CLEC16A: variants seen among roughly 807,000 people sequenced by gnomAD.
CLEC16A encodes protein CLEC16A.
In CLEC16A, 51 loss-of-function variants were observed where a neutral mutation model predicts 109.5. That is an observed-to-expected ratio of 0.47 (90% CI 0.37 to 0.59). The LOEUF is 0.59. Ranked by LOEUF, CLEC16A falls within the 20% of genes least tolerant of loss-of-function variation. The pLI, the probability that CLEC16A is intolerant of heterozygous loss-of-function variation, is 0.00. For missense variants in CLEC16A, 1,339 were observed against 1,394.0 expected (o/e 0.96, Z 0.63); for synonymous variants, 673 against 564.2 (o/e 1.19, Z -2.73).
At chr16:11,159,183 CTTTCTGA>C (rs1311985976) in intron 22 of CLEC16A, among the ~76,000 whole-genome samples, 2 of 152,338 alleles carry the variant, frequency 1.3e-5, no homozygotes, top group Non-Finnish European at 2.9e-5. Context: ...GGAATCTGTG[CTTTCTGA>C]TTTGCCCCAG....
At chr16:10,984,609 CA>C (rs1360512089) in intron 10 of CLEC16A, among the ~76,000 whole-genome samples, 1 of 152,190 alleles carries the variant, frequency 6.6e-6, no homozygotes, top group Non-Finnish European at 1.5e-5. Flanking sequence ...CTAGAGGTGA[CA>C]GGGGTGATGT....
At chr16:11,142,106 G>C (rs913829719) in intron 22 of CLEC16A, among the ~76,000 whole-genome samples, 4 of 152,166 alleles carry the variant, frequency 2.6e-5, no homozygotes, top group African/African-American at 9.7e-5. Context: ...GGCAGGTATG[G>C]TTACTCTCCC....
chr16:10,948,435 T>C (rs1396376151), intron 1 of CLEC16A, among the ~76,000 whole-genome samples: 2 of 152,184 alleles, frequency 1.3e-5, no homozygotes, highest in Non-Finnish European at 2.9e-5. Flanking sequence ...CAAGAGGTTA[T>C]TTGCTACACA....
intron 21 of CLEC16A, among the ~76,000 whole-genome samples, chr16:11,124,533 C>G (rs1030554919): frequency 6.6e-6 from 1 of 152,190 alleles, no homozygotes; most frequent in African/African-American, 2.4e-5. Context: ...CTGAGGAAGC[C>G]CAACACTGCC....
At chr16:11,176,601 G>A (rs1221599021) in intron 23 of CLEC16A, among the ~76,000 whole-genome samples, 1 of 152,102 alleles carries the variant, frequency 6.6e-6, no homozygotes, top group Non-Finnish European at 1.5e-5. Context: ...AGCCAGGTGT[G>A]GTGACACGGG....
In CLEC16A at chr16:11,166,473, C is replaced by A. The variant is rs751088371; in HGVS notation, c.2727C>A (p.Ser909Arg). ...CACCCTCCGCCAGCGGGAGCCCCAGCGGCAGCGGGAGCACCAGCCACTGCG... is the reference window on the plus strand; with the variant it reads ...CACCCTCCGCCAGCGGGAGCCCCAGAGGCAGCGGGAGCACCAGCCACTGCG... ...QSPPSASGSP[S>R]GSGSTSHCDS... is the part of the protein sequence containing the mutation. The change falls in exon 23 of 24, where the codon AGC becomes AGA. Residue 909 changes from serine (S) to arginine (R), a missense_variant. By Grantham distance (110) the Ser-to-Arg change is moderately radical. Transcript: ENST00000409790. 2 of 1,608,394 alleles carry A rather than the reference C, an allele frequency of 1.2e-6. No homozygotes were observed. The highest frequency in any genetic ancestry group is 1.6e-4 in the Middle Eastern group (1 of 6,062).
chr16:11,013,140 C>T (rs779788770), intron 11 of CLEC16A, among the ~76,000 whole-genome samples: 35 of 152,322 alleles, frequency 2.3e-4, no homozygotes, highest in Non-Finnish European at 3.7e-4. Flanking sequence ...CGAGAACATG[C>T]AGACTCCACA....
chr16:11,044,099 C>T (rs746908539), intron 16 of CLEC16A, 27 bp downstream of exon 16: 4 of 1,592,252 alleles, frequency 2.5e-6, no homozygotes, highest in Non-Finnish European at 3.4e-6. Flanking sequence ...AGATGGACAG[C>T]AGCATGGTGT....
chr16:11,111,852 T>G (rs1024239754), intron 19 of CLEC16A, among the ~76,000 whole-genome samples: 1 of 152,266 alleles, frequency 6.6e-6, no homozygotes. Context: ...ATATGAAGTT[T>G]CCTTCTGAAA....
chr16:10,948,742 C>T (rs1315366949), intron 1 of CLEC16A, among the ~76,000 whole-genome samples: 2 of 152,206 alleles, frequency 1.3e-5, no homozygotes, highest in African/African-American at 4.8e-5. Flanking sequence ...TCTGTCCCCG[C>T]TAAACCATGG....
At chr16:10,957,254 T>G (rs1217636998) in intron 1 of CLEC16A, among the ~76,000 whole-genome samples, 16 of 152,230 alleles carry the variant, frequency 1.1e-4, no homozygotes, top group Admixed American at 1.0e-3. Flanking sequence ...GCATGTGATT[T>G]TTGTCCCAGC....
chr16:11,011,737 C>T (rs1190586054), intron 11 of CLEC16A, among the ~76,000 whole-genome samples: 1 of 152,084 alleles, frequency 6.6e-6, no homozygotes, highest in African/African-American at 2.4e-5. Context: ...TTTATATGTG[C>T]CTACATATAC....
intron 10 of CLEC16A, among the ~76,000 whole-genome samples, chr16:10,993,929 A>G (rs1376904292): frequency 1.3e-5 from 2 of 152,196 alleles, no homozygotes; most frequent in African/African-American, 4.8e-5. Flanking sequence ...GGCAAGGGAG[A>G]GGAGGCTGGC....
chr16:11,123,007 G>T (rs558965975), intron 20 of CLEC16A, among the ~76,000 whole-genome samples: 19 of 146,742 alleles, frequency 1.3e-4, no homozygotes, highest in Non-Finnish European at 2.5e-4. Flanking sequence ...GGGTTCAAGC[G>T]ATTCTCCTGC....
chr16:11,083,814 G>A (rs923397485), intron 19 of CLEC16A, among the ~76,000 whole-genome samples: 2 of 152,184 alleles, frequency 1.3e-5, no homozygotes, highest in African/African-American at 2.4e-5. Context: ...AGGCAGGGAG[G>A]CTGGCCCAGG....
intron 10 of CLEC16A, among the ~76,000 whole-genome samples, chr16:10,997,357 G>A (rs767614727): frequency 3.9e-5 from 6 of 152,188 alleles, no homozygotes; most frequent in Non-Finnish European, 8.8e-5. Context: ...TTGTGCACAT[G>A]ATTATATTCA....
Position 10,999,751 on chromosome 16 carries a change from T to C in CLEC16A, c.1072-3323T>C, listed in dbSNP as rs2044551708. Among the ~76,000 whole-genome samples the C allele has an allele frequency of 2.0e-5, 3 of 152,254 alleles. No homozygotes were observed. The South Asian group carries it at 6.2e-4, about 31-fold the overall frequency. On this transcript the variant is annotated intron_variant, in intron 10 of 23. Coordinates refer to ENST00000409790, the MANE Select transcript of CLEC16A (RefSeq NM_015226.3). ...TCATTCTTGCAGCTGATTTTTTTTTTCTTTTTTTAGATGTAAGCAGGAAAA... is the reference window on the plus strand; with the variant it reads ...TCATTCTTGCAGCTGATTTTTTTTTCCTTTTTTTAGATGTAAGCAGGAAAA...
At chr16:11,101,675 C>T (rs2050924195) in intron 19 of CLEC16A, among the ~76,000 whole-genome samples, 1 of 152,296 alleles carries the variant, frequency 6.6e-6, no homozygotes, top group East Asian at 1.9e-4. Flanking sequence ...AAATCCTTGC[C>T]CTCATAGAAC....
chr16:11,080,923 A>G (rs1468531170), intron 19 of CLEC16A, among the ~76,000 whole-genome samples: 1 of 152,240 alleles, frequency 6.6e-6, no homozygotes, highest in Non-Finnish European at 1.5e-5. Flanking sequence ...TTTGTAAGGT[A>G]GCATGTTCAC....
Sources: gnomAD v4.1 joint callset for allele counts (sites outside exome capture counted in the v4.1 genomes callset) on GRCh38, gnomAD v4.1.1 for gene constraint, MANE v1.5 for transcripts, NCBI Gene and HGNC (gene_info 2026-07-23, HGNC 2026-07-21) for gene names.